IL1RAPL1: variants seen among roughly 807,000 people sequenced by gnomAD.
The protein encoded by IL1RAPL1 is interleukin-1 receptor accessory protein-like 1.
A neutral mutation model predicts 48.4 loss-of-function variants in IL1RAPL1; 3 were observed. The ratio of observed to expected loss-of-function variants is 0.06; its 90% CI spans 0.03 to 0.16. The LOEUF is 0.16. Ranked by LOEUF, IL1RAPL1 falls within the 10% of genes least tolerant of loss-of-function variation. The pLI, the probability that IL1RAPL1 is intolerant of heterozygous loss-of-function variation, is 1.00. For missense variants in IL1RAPL1, 349 were observed against 530.6 expected, an observed-to-expected ratio of 0.66 and a Z score of 3.36; for synonymous variants, 185 against 187.7, an observed-to-expected ratio of 0.99 and a Z score of 0.12.
At chrX:28,659,420 G>A (rs1569147021) in intron 1 of IL1RAPL1, 2 of 531,197 alleles carry the variant, frequency 3.8e-6, no homozygotes, top group African/African-American at 4.6e-5. Context: ...TTGCTTCCCG[G>A]GTGTTTTACC....
chrX:29,338,598 C>G (rs1933029154), intron 3 of IL1RAPL1, among the ~76,000 whole-genome samples: 1 of 111,512 alleles, frequency 9.0e-6, no homozygotes. Context: ...AGTGAGCACT[C>G]CAGTGGTAGG....
intron 6 of IL1RAPL1, among the ~76,000 whole-genome samples, chrX:29,820,191 A>G (rs112761380): frequency 0.036 from 3,936 of 108,879 alleles, 180 homozygotes; most frequent in African/African-American, 0.12. Flanking sequence ...AACCATATAC[A>G]TGGTATACAG....
At chrX:28,782,075 T>A (rs1055031544) in intron 1 of IL1RAPL1, among the ~76,000 whole-genome samples, 6 of 111,539 alleles carry the variant, frequency 5.4e-5, no homozygotes, top group African/African-American at 1.9e-4. Flanking sequence ...TTAGTGACTG[T>A]ATGTCTTCTA....
chrX:28,931,331 TA>T (rs1312067729), intron 2 of IL1RAPL1, among the ~76,000 whole-genome samples: 1 of 112,201 alleles, frequency 8.9e-6, no homozygotes, highest in Non-Finnish European at 1.9e-5. Flanking sequence ...AATTTGCTAG[TA>T]AATGCTTTGT....
At chrX:29,902,994 C>T (rs1225266759) in intron 6 of IL1RAPL1, among the ~76,000 whole-genome samples, 2 of 111,284 alleles carry the variant, frequency 1.8e-5, no homozygotes, top group Admixed American at 9.6e-5. Flanking sequence ...CTTAATATAA[C>T]GTACCCCTTT....
At chrX:29,267,981 A>G (rs898611119) in intron 2 of IL1RAPL1, among the ~76,000 whole-genome samples, 1 of 111,331 alleles carries the variant, frequency 9.0e-6, no homozygotes, top group Non-Finnish European at 1.9e-5. Flanking sequence ...TGCATGCAAT[A>G]CAGAGGAATG....
chrX:28,798,592 G>A (rs1936640400), intron 2 of IL1RAPL1, among the ~76,000 whole-genome samples: 3 of 112,162 alleles, frequency 2.7e-5, no homozygotes, highest in South Asian at 3.7e-4. Flanking sequence ...CTTCAGGGAT[G>A]AGGCAGTAGA....
chrX:28,789,891 G>C (rs1211337070), intron 2 of IL1RAPL1, among the ~76,000 whole-genome samples: 1 of 111,831 alleles, frequency 8.9e-6, no homozygotes, highest in Non-Finnish European at 1.9e-5. Context: ...TGTTATTGAA[G>C]AAAATGTCAT....
At chrX:29,393,412 C>T (rs1468337733) in intron 3 of IL1RAPL1, among the ~76,000 whole-genome samples, 3 of 112,002 alleles carry the variant, frequency 2.7e-5, no homozygotes, top group Admixed American at 1.9e-4. Context: ...TGAGCCACCG[C>T]GCCCTGCCAA....
intron 5 of IL1RAPL1, among the ~76,000 whole-genome samples, chrX:29,459,604 G>A (rs1363016988): frequency 1.8e-5 from 2 of 111,406 alleles, no homozygotes; most frequent in East Asian, 5.6e-4. Context: ...TAAAAAAGAG[G>A]TTGTTGAGGT....
chrX:29,426,511 A>AT (rs1358759925), intron 5 of IL1RAPL1, among the ~76,000 whole-genome samples: 3 of 111,103 alleles, frequency 2.7e-5, no homozygotes, highest in African/African-American at 9.8e-5. Context: ...AATTACTCAC[A>AT]TTTTCAAGAC....
At chrX:28,693,039 C>T (rs1479150815) in intron 1 of IL1RAPL1, among the ~76,000 whole-genome samples, 1 of 111,850 alleles carries the variant, frequency 8.9e-6, no homozygotes, top group Non-Finnish European at 1.9e-5. Context: ...CAATTTTTTT[C>T]ATTAACTTTT....
intron 5 of IL1RAPL1, among the ~76,000 whole-genome samples, chrX:29,539,894 T>C (rs1015307207): frequency 1.3e-4 from 14 of 111,370 alleles, no homozygotes; most frequent in Non-Finnish European, 1.7e-4. Context: ...AATGGACTAA[T>C]ATACTCACTA....
intron 2 of IL1RAPL1, among the ~76,000 whole-genome samples, chrX:29,232,016 C>G (rs1023715356): frequency 9.0e-6 from 1 of 111,336 alleles, no homozygotes; most frequent in African/African-American, 3.3e-5. Context: ...AGAGAGCCAT[C>G]TAGTGGATAA....
chrX:29,188,464 G>A (rs1299327501), intron 2 of IL1RAPL1, among the ~76,000 whole-genome samples: 1 of 111,209 alleles, frequency 9.0e-6, no homozygotes, highest in Non-Finnish European at 1.9e-5. Context: ...CAAATCCAGG[G>A]TAGAATAAGG....
intron 3 of IL1RAPL1, among the ~76,000 whole-genome samples, chrX:29,309,534 T>G (rs916090502): frequency 1.8e-5 from 2 of 112,428 alleles, no homozygotes; most frequent in Non-Finnish European, 3.8e-5. Flanking sequence ...AGGGCGGGGC[T>G]GGGCTCAGTG....
intron 5 of IL1RAPL1, among the ~76,000 whole-genome samples, chrX:29,586,103 A>G (rs1040716794): frequency 8.9e-6 from 1 of 111,766 alleles, no homozygotes; most frequent in Non-Finnish European, 1.9e-5. Flanking sequence ...TTGGTGTCAT[A>G]TTCATGAAGC....
At chrX:29,137,105 A>G (rs1311421162) in intron 2 of IL1RAPL1, among the ~76,000 whole-genome samples, 2 of 109,940 alleles carry the variant, frequency 1.8e-5, no homozygotes, top group Non-Finnish European at 3.8e-5. Context: ...AGCCTATTTT[A>G]GACGGCTTAC....
chrX:29,021,285 T>A (rs2147402126), intron 2 of IL1RAPL1, among the ~76,000 whole-genome samples: 1 of 109,547 alleles, frequency 9.1e-6, no homozygotes, highest in South Asian at 4.1e-4. Flanking sequence ...AATGTCATCT[T>A]TCTCCACATT....
Sources: allele counts gnomAD v4.1 joint callset (sites outside exome capture counted in the v4.1 genomes callset), GRCh38; gene constraint gnomAD v4.1.1; transcripts MANE v1.5; gene names NCBI Gene and HGNC (gene_info 2026-07-23, HGNC 2026-07-21).